Variants in ANK1 observed in about 807,000 individuals in gnomAD.
ANK1 encodes ankyrin-1.
ANK1 carries 51 observed loss-of-function variants against 210.4 expected under a neutral mutation model. The ratio of observed to expected loss-of-function variants is 0.24; its 90% CI spans 0.19 to 0.31. The LOEUF (loss-of-function observed/expected upper bound fraction) is 0.31, where lower values mean the gene tolerates loss of function less well. Ranked by LOEUF, ANK1 falls within the 10% of genes least tolerant of loss-of-function variation. The pLI is 1.00. For synonymous variants in ANK1, 967 were observed against 1,025.9 expected (o/e 0.94, Z 1.10); for missense variants, 2,051 against 2,504.4 (o/e 0.82, Z 3.86).
rs755585073 is a variant in ANK1 at position 41,672,523 on chromosome 8, C to G, written c.4927G>C (p.Gly1643Arg). 2 of 1,614,230 alleles carry G rather than the reference C, an allele frequency of 1.2e-6. No individual in the cohort carries two copies. Among genetic ancestry groups the G allele is most frequent in the South Asian group, 2.2e-5 (2 of 91,088 alleles). Reference sequence around the variant, plus strand: ...GGCAGCTTCTCTTCTGACCTCTGACCTTCCTCCTGTTCAAGCAAATCGATA... The same window carrying G: ...GGCAGCTTCTCTTCTGACCTCTGACGTTCCTCCTGTTCAAGCAAATCGATA... ...GLIDLLEQEE[G>R]QRSEEKLPGS... The change falls in exon 38 of 43, where the codon GGT becomes CGT. Residue 1643 changes from glycine to arginine, a missense_variant. Coordinates refer to ENST00000289734, the MANE Select transcript of ANK1 (RefSeq NM_000037.4).
chr8:41,877,462 G>A (rs1413997921), intron 1 of ANK1, among the ~76,000 whole-genome samples: 1 of 152,214 alleles, frequency 6.6e-6, no homozygotes, highest in East Asian at 1.9e-4. Context: ...CACTCACAGT[G>A]CCCCAGCTGC....
At chr8:41,733,861 G>C in intron 3 of ANK1, 110 bp downstream of exon 3, 2 of 901,328 alleles carry the variant, frequency 2.2e-6, no homozygotes, top group South Asian at 2.7e-5. Flanking sequence ...GGAAGGATAA[G>C]AGAAATTCAG....
chr8:41,847,591 C>T (rs1253342415), intron 1 of ANK1, among the ~76,000 whole-genome samples: 3 of 152,134 alleles, frequency 2.0e-5, no homozygotes, highest in Non-Finnish European at 2.9e-5. Context: ...CAAGACAGCT[C>T]GTGAAAGATT....
In ANK1 at chr8:41,655,647, A is replaced by G; in HGVS notation, c.*143T>C. On this transcript the variant is annotated 3_prime_UTR_variant, in exon 43 of 43. Transcript: ENST00000289734. The stretch of plus-strand genomic sequence containing the variant: ...AGTCCCTTACAGAGGTCATGCCGTC[A>G]GCCCAGAGGAATGTGTGCACCGCTG... 6.5e-7 allele frequency: 1 copy of G among 1,537,864 alleles called. No homozygotes were observed. Among genetic ancestry groups the G allele is most frequent in the Admixed American group, 1.7e-5 (1 of 59,690 alleles).
At chr8:41,822,815 G>C (rs777750590) in intron 1 of ANK1, among the ~76,000 whole-genome samples, 4 of 152,230 alleles carry the variant, frequency 2.6e-5, no homozygotes, top group Non-Finnish European at 5.9e-5. Context: ...TCAAGAGCCA[G>C]CAGTAAGGCT....
intron 2 of ANK1, among the ~76,000 whole-genome samples, chr8:41,754,554 C>T (rs909461138): frequency 1.3e-5 from 2 of 152,144 alleles, no homozygotes; most frequent in Non-Finnish European, 2.9e-5. Flanking sequence ...AAGTATTTGC[C>T]CTGTTACTGC....
chr8:41,802,858 A>G (rs921546617), intron 1 of ANK1, among the ~76,000 whole-genome samples: 11 of 142,092 alleles, frequency 7.7e-5, no homozygotes, highest in African/African-American at 2.6e-4. Flanking sequence ...GGCCGCAGTG[A>G]GCGATGATCA....
chr8:41,659,941 A>T (rs892008494), intron 42 of ANK1, among the ~76,000 whole-genome samples: 3 of 152,108 alleles, frequency 2.0e-5, no homozygotes, highest in African/African-American at 7.2e-5. Flanking sequence ...CCCACTCAGG[A>T]GCATCCATAG....
At position 41,723,117 on chromosome 8, in the gene ANK1, G is replaced by A; in HGVS notation, c.909+8C>T. On this transcript the variant is annotated splice_region_variant and intron_variant, in intron 9 of 42. Transcript: ENST00000289734. ...AGAAAATGCGCCTGACAGGAAGGAA[G>A]TACACACCTTGGTTTTGGCTTGGAT... 1 of 1,614,020 alleles carries A rather than the reference G, an allele frequency of 6.2e-7. No homozygotes were observed. The highest frequency in any genetic ancestry group is 8.5e-7 in the Non-Finnish European group (1 of 1,179,878).
At chr8:41,800,429 G>A (rs941064004), upstream of ANK1, among the ~76,000 whole-genome samples, 2 of 152,196 alleles carry the variant, frequency 1.3e-5, no homozygotes, top group African/African-American at 2.4e-5. Context: ...TGGAGGCCAT[G>A]TGAGCCATTT....
chr8:41,701,519 C>T, intron 22 of ANK1, 31 bp downstream of exon 22: 1 of 1,611,726 alleles, frequency 6.2e-7, no homozygotes, highest in Non-Finnish European at 8.5e-7. Context: ...CCTCTGTCCC[C>T]ACCAGCCTGA....
At position 41,696,351 on chromosome 8, in the gene ANK1, G is replaced by T. The variant is rs377706260; in HGVS notation, c.2960+12C>A. On this transcript the variant is annotated intron_variant, in intron 26 of 42. Coordinates refer to ENST00000289734, the MANE Select transcript of ANK1 (RefSeq NM_000037.4). ...GGACAGGGGAGAACACGGGCTGCCC[G>T]CGCAAGCTCACCTCAGGAACTGTGC... 1 of 1,612,564 alleles carries T rather than the reference G, an allele frequency of 6.2e-7. No homozygotes were observed. Among genetic ancestry groups the T allele is most frequent in the Non-Finnish European group, 8.5e-7 (1 of 1,179,720 alleles).
chr8:41,779,705 C>A (rs1844867021), intron 1 of ANK1, among the ~76,000 whole-genome samples: 1 of 152,186 alleles, frequency 6.6e-6, no homozygotes, highest in Admixed American at 6.5e-5. Flanking sequence ...CTCACAGCAA[C>A]TTTATAAGTC....
At chr8:41,779,975 G>C (rs989831089) in intron 1 of ANK1, among the ~76,000 whole-genome samples, 1 of 152,220 alleles carries the variant, frequency 6.6e-6, no homozygotes, top group Non-Finnish European at 1.5e-5. Context: ...AGAGCCTAGG[G>C]AGGTTCTTGG....
Position 41,875,557 on chromosome 8 carries a change from C to T in ANK1, c.126+20798G>A, listed in dbSNP as rs1239885714. 2.6e-5 allele frequency among the ~76,000 whole-genome samples: 4 copies of T among 152,194 alleles called. 1 individual carries two copies. Among genetic ancestry groups the T allele is most frequent in the East Asian group, 1.9e-4 (1 of 5,188 alleles). On this transcript the variant is annotated intron_variant, in intron 1 of 42. Transcript: ENST00000265709. ...GCAGCCCAACTCCAATACCAAGGCT[C>T]GGCAGACAGGCACATCTGTGCAGTA...
intron 1 of ANK1, among the ~76,000 whole-genome samples, chr8:41,848,976 C>T (rs1051246876): frequency 3.2e-4 from 49 of 152,322 alleles, no homozygotes; most frequent in African/African-American, 1.1e-3. Context: ...TGGAGCTTGA[C>T]CTGCCTCTGT....
intron 2 of ANK1, among the ~76,000 whole-genome samples, chr8:41,751,112 G>A (rs1354339095): frequency 6.6e-6 from 1 of 152,132 alleles, no homozygotes; most frequent in Non-Finnish European, 1.5e-5. Context: ...AATGTGTATA[G>A]TCAGTTACTT....
At chr8:41,865,848 T>C (rs1177779385) in intron 1 of ANK1, among the ~76,000 whole-genome samples, 1 of 151,942 alleles carries the variant, frequency 6.6e-6, no homozygotes, top group African/African-American at 2.4e-5. Context: ...CACCACTCTC[T>C]CTCTCTCCCC....
chr8:41,896,536 C>A (rs931396032), exon 1 of ANK1: 8 of 1,535,788 alleles, frequency 5.2e-6, no homozygotes, highest in South Asian at 1.2e-5. Context: ...TCAGCGATCC[C>A]CGAGGCGACA....
Sources: gnomAD v4.1 joint callset for allele counts (sites outside exome capture counted in the v4.1 genomes callset) on GRCh38, gnomAD v4.1.1 for gene constraint, MANE v1.5 for transcripts, NCBI Gene and HGNC (gene_info 2026-07-23, HGNC 2026-07-21) for gene names.